Variants in SEMA5B observed in about 807,000 individuals in gnomAD.
SEMA5B encodes the protein semaphorin 5B.
A neutral mutation model predicts 135.0 loss-of-function variants in SEMA5B; 66 were observed. The ratio of observed to expected loss-of-function variants is 0.49; its 90% CI spans 0.40 to 0.60. The LOEUF is 0.60. SEMA5B is among the 20% of genes least tolerant of loss of function. The pLI is 0.00. For synonymous variants in SEMA5B, 690 were observed against 639.5 expected (o/e 1.08, Z -1.19); for missense variants, 1,501 against 1,566.3 (o/e 0.96, Z 0.70).
At chr3:122,934,816 G>A (rs972953981) in intron 5 of SEMA5B, among the ~76,000 whole-genome samples, 2 of 150,808 alleles carry the variant, frequency 1.3e-5, no homozygotes, top group Non-Finnish European at 2.9e-5. Context: ...AAGAGTTGGA[G>A]GCTGCAGTGA....
chr3:122,940,719 G>T (rs1939520610), intron 4 of SEMA5B, among the ~76,000 whole-genome samples: 1 of 152,206 alleles, frequency 6.6e-6, no homozygotes, highest in South Asian at 2.1e-4. Flanking sequence ...CCAGGCCCAG[G>T]CCCCACTCAT....
At chr3:123,026,614 CCG>C (rs1253872584) in intron 1 of SEMA5B, among the ~76,000 whole-genome samples, 1 of 152,218 alleles carries the variant, frequency 6.6e-6, no homozygotes, top group Admixed American at 6.5e-5. Context: ...GGCTCCCGCC[CCG>C]CGCGGGTCCC....
At chr3:122,948,382 G>A (rs1939884393) in intron 3 of SEMA5B, 124 bp downstream of exon 3, 2 of 759,834 alleles carry the variant, frequency 2.6e-6, no homozygotes. Flanking sequence ...CCCCGGGACG[G>A]GACCCAGCAG....
At chr3:122,974,765 A>T (rs1294967189) in intron 1 of SEMA5B, among the ~76,000 whole-genome samples, 3 of 151,992 alleles carry the variant, frequency 2.0e-5, no homozygotes, top group Non-Finnish European at 4.4e-5. Context: ...GGCTGACAAA[A>T]CCCTTCCAGT....
In SEMA5B at chr3:122,913,957, G is replaced by T; in HGVS notation, c.2033C>A (p.Thr678Lys). The change falls in exon 15 of 23, where the codon ACG becomes AAG. Residue 678 changes from threonine (T) to lysine (K), a missense_variant. Thr to Lys is a moderately conservative substitution (Grantham distance 78). Transcript: ENST00000357599. ...GACCTGGAAGCCGATGCCACAGGAC[G>T]TGCTGCACAGCGCCCACGATGACCA... ...TPWSSWALCS[T>K]SCGIGFQVRQ... 1.2e-6 allele frequency: 2 copies of T among 1,611,652 alleles called. No individual in the cohort carries two copies. Among genetic ancestry groups the T allele is most frequent in the East Asian group, 2.2e-5 (1 of 44,860 alleles).
At chr3:122,965,019 G>A (rs1267264322) in intron 1 of SEMA5B, among the ~76,000 whole-genome samples, 1 of 152,180 alleles carries the variant, frequency 6.6e-6, no homozygotes, top group Admixed American at 6.5e-5. Flanking sequence ...TTGATTCCAT[G>A]TGCTGGAGGG....
chr3:122,962,476 G>A (rs962001481), intron 1 of SEMA5B, among the ~76,000 whole-genome samples: 12 of 152,310 alleles, frequency 7.9e-5, no homozygotes, highest in South Asian at 4.1e-4. Context: ...GGTCTGTCCC[G>A]TGAGAAAGAG....
intron 2 of SEMA5B, among the ~76,000 whole-genome samples, chr3:122,951,952 C>T (rs749936443): frequency 6.6e-6 from 1 of 152,176 alleles, no homozygotes; most frequent in Non-Finnish European, 1.5e-5. Flanking sequence ...GGAATAATAC[C>T]CATCACTGAA....
chr3:122,921,126 T>G (rs929810466), intron 12 of SEMA5B, among the ~76,000 whole-genome samples: 1 of 152,082 alleles, frequency 6.6e-6, no homozygotes, highest in African/African-American at 2.4e-5. Context: ...TTCCCAATCT[T>G]GAGGACAGAT....
At chr3:122,968,155 C>G (rs1940953290) in intron 1 of SEMA5B, among the ~76,000 whole-genome samples, 1 of 152,184 alleles carries the variant, frequency 6.6e-6, no homozygotes, top group South Asian at 2.1e-4. Flanking sequence ...CAGAATTGGG[C>G]CCCCAGGATG....
At chr3:122,911,228 G>A (rs1047983358) in intron 21 of SEMA5B, 183 bp from the exon 22 acceptor site, 7 of 1,074,926 alleles carry the variant, frequency 6.5e-6, no homozygotes, top group Middle Eastern at 2.8e-4. Context: ...CTTTCACAAG[G>A]TACCCTGTGG....
At chr3:122,986,719 A>G (rs185446433) in intron 1 of SEMA5B, among the ~76,000 whole-genome samples, 33 of 152,286 alleles carry the variant, frequency 2.2e-4, no homozygotes, top group African/African-American at 7.7e-4. Context: ...ACACACATAC[A>G]AACATGCACT....
chr3:122,952,338 C>T (rs555021698), intron 2 of SEMA5B, among the ~76,000 whole-genome samples: 1 of 152,318 alleles, frequency 6.6e-6, no homozygotes, highest in Admixed American at 6.5e-5. Context: ...CCTGGCCCCT[C>T]AAACAAGGCC....
At chr3:122,924,148 C>G (rs77256356) in intron 9 of SEMA5B, among the ~76,000 whole-genome samples, 1 of 152,122 alleles carries the variant, frequency 6.6e-6, no homozygotes, top group African/African-American at 2.4e-5. Flanking sequence ...TGTTAACACT[C>G]TGATATTTTA....
At chr3:122,988,513 G>C (rs1026622787) in intron 1 of SEMA5B, among the ~76,000 whole-genome samples, 1 of 152,258 alleles carries the variant, frequency 6.6e-6, no homozygotes, top group African/African-American at 2.4e-5. Context: ...GACAGCAGCA[G>C]GAGGAAGAGA....
chr3:122,914,364 A>C (rs1020595236), intron 14 of SEMA5B, among the ~76,000 whole-genome samples: 4 of 152,010 alleles, frequency 2.6e-5, no homozygotes, highest in African/African-American at 9.7e-5. Context: ...GCTGGTCCCA[A>C]TCCTTGCACT....
Position 122,956,536 on chromosome 3 carries a change from A to G in SEMA5B, c.124+4604T>C, listed in dbSNP as rs553905649. On this transcript the variant is annotated intron_variant, in intron 2 of 22. Coordinates refer to ENST00000357599, the MANE Select transcript of SEMA5B (RefSeq NM_001031702.4). ...GAGCAATCAAGAGGCCTGCAGCTAC[A>G]CAGCGACCGGTGCCCTCTGCTCAGG... 3.9e-5 allele frequency among the ~76,000 whole-genome samples: 6 copies of G among 152,346 alleles called. No individual in the cohort carries two copies. The East Asian group carries it at 1.2e-3, about 29-fold the overall frequency.
chr3:122,974,790 T>C (rs1941257165), intron 1 of SEMA5B, among the ~76,000 whole-genome samples: 1 of 152,196 alleles, frequency 6.6e-6, no homozygotes, highest in Non-Finnish European at 1.5e-5. Context: ...AATGAATGTC[T>C]CTCTTTAAAC....
intron 5 of SEMA5B, among the ~76,000 whole-genome samples, chr3:122,930,487 T>C (rs1367421232): frequency 6.6e-6 from 1 of 152,094 alleles, no homozygotes; most frequent in East Asian, 1.9e-4. Flanking sequence ...GGGCCATAAA[T>C]AAGAAATCTC....
Sources: gnomAD v4.1 joint callset for allele counts (sites outside exome capture counted in the v4.1 genomes callset) on GRCh38, gnomAD v4.1.1 for gene constraint, MANE v1.5 for transcripts, NCBI Gene and HGNC (gene_info 2026-07-23, HGNC 2026-07-21) for gene names.